The following TMEM45B variants were observed in gnomAD, a reference collection of about 807,000 sequenced individuals.
TMEM45B encodes the protein transmembrane protein 45B.
In TMEM45B, 29 loss-of-function variants were observed where a neutral mutation model predicts 27.3. The ratio of observed to expected loss-of-function variants is 1.06; its 90% CI spans 0.79 to 1.45. The LOEUF (loss-of-function observed/expected upper bound fraction) is 1.45, where lower values mean the gene tolerates loss of function less well. Among genes scored for constraint, TMEM45B ranks in the 40% most tolerant of loss-of-function variants. The probability of loss-of-function intolerance (pLI) is 0.00; values close to 1 mark genes in which losing one functional copy is unlikely to be tolerated. For synonymous variants in TMEM45B, 143 were observed against 134.7 expected, an observed-to-expected ratio of 1.06 and a Z score of -0.43; for missense variants, 348 against 343.9, an observed-to-expected ratio of 1.01 and a Z score of -0.09.
chr11:129,857,920 A>T (rs892913450), intron 5 of TMEM45B, among the ~76,000 whole-genome samples: 1 of 152,182 alleles, frequency 6.6e-6, no homozygotes, highest in Non-Finnish European at 1.5e-5. Flanking sequence ...AGGTATACAG[A>T]TAACAGCTAT....
intron 4 of TMEM45B, 150 bp from the exon 5 acceptor site, chr11:129,857,163 T>A (rs1025776774): frequency 2.8e-5 from 25 of 901,296 alleles, no homozygotes; most frequent in Middle Eastern, 3.5e-4. Context: ...GAGCCATTTT[T>A]CTATGTGAAA....
intron 1 of TMEM45B, among the ~76,000 whole-genome samples, chr11:129,825,733 GGGAA>G (rs746585864): frequency 1.3e-5 from 2 of 152,130 alleles, no homozygotes; most frequent in Non-Finnish European, 2.9e-5. Flanking sequence ...TGGATGCTGA[GGGAA>G]GGAAGGAAGG....
intron 1 of TMEM45B, among the ~76,000 whole-genome samples, chr11:129,816,824 A>G (rs554357478): frequency 1.3e-4 from 16 of 122,350 alleles, no homozygotes; most frequent in African/African-American, 4.5e-4. Flanking sequence ...TGCAAGCTCC[A>G]CCTCCCGGGT....
chr11:129,820,514 A>G (rs910086549), intron 1 of TMEM45B, among the ~76,000 whole-genome samples: 1 of 152,112 alleles, frequency 6.6e-6, no homozygotes, highest in Non-Finnish European at 1.5e-5. Flanking sequence ...GTCCAGGGGA[A>G]CTTTTTTAAA....
At chr11:129,841,440 C>T (rs1434155220) in intron 1 of TMEM45B, among the ~76,000 whole-genome samples, 4 of 152,030 alleles carry the variant, frequency 2.6e-5, no homozygotes, top group Admixed American at 2.6e-4. Context: ...GCATCCCTGG[C>T]TGACTGAAAA....
At chr11:129,848,300 T>A (rs2266105) in intron 1 of TMEM45B, among the ~76,000 whole-genome samples, 114 of 150,114 alleles carry the variant, frequency 7.6e-4, no homozygotes, top group African/African-American at 2.5e-3. Flanking sequence ...CACTCGCGGT[T>A]AGGAGCTGGA....
chr11:129,820,375 A>C (rs1460352913), intron 1 of TMEM45B, among the ~76,000 whole-genome samples: 1 of 152,206 alleles, frequency 6.6e-6, no homozygotes, highest in Admixed American at 6.5e-5. Flanking sequence ...GGGAGAATGA[A>C]CATTGGGTAG....
intron 1 of TMEM45B, among the ~76,000 whole-genome samples, chr11:129,845,670 AC>A (rs1207648995): frequency 2.6e-5 from 4 of 152,174 alleles, no homozygotes; most frequent in Non-Finnish European, 4.4e-5. Context: ...TATAAATATA[AC>A]CACACCAATA....
chr11:129,818,882 CA>C (rs1048914391), intron 1 of TMEM45B, among the ~76,000 whole-genome samples: 1 of 152,172 alleles, frequency 6.6e-6, no homozygotes, highest in African/African-American at 2.4e-5. Context: ...GTTGCTTCCC[CA>C]AATCTACTTC....
chr11:129,816,133 G>C (rs1565360020), intron 1 of TMEM45B, among the ~76,000 whole-genome samples: 1 of 152,170 alleles, frequency 6.6e-6, no homozygotes, highest in Non-Finnish European at 1.5e-5. Context: ...GCCCCCTCCG[G>C]GCTGCGGAAC....
At chr11:129,839,361 A>ATC (rs2135577673) in intron 1 of TMEM45B, among the ~76,000 whole-genome samples, 1 of 152,300 alleles carries the variant, frequency 6.6e-6, no homozygotes, top group East Asian at 1.9e-4. Context: ...AAAGCTATGC[A>ATC]TCTATAGGGA....
intron 1 of TMEM45B, among the ~76,000 whole-genome samples, chr11:129,833,467 T>C (rs1312307434): frequency 6.6e-6 from 1 of 151,938 alleles, no homozygotes; most frequent in Non-Finnish European, 1.5e-5. Context: ...CCAATATGAC[T>C]GGTATCCTTA....
rs764906261 is a variant in TMEM45B at position 129,827,790 on chromosome 11, G to A, written c.-9+11892G>A. On this transcript the variant is annotated intron_variant, in intron 1 of 5. Transcript: ENST00000281441. ...GCACTCTAGCCTGGGCAACAAGAGCGAAACTCTGCCTCAGAAATAAAATAA... is the reference window on the plus strand; with the variant it reads ...GCACTCTAGCCTGGGCAACAAGAGCAAAACTCTGCCTCAGAAATAAAATAA... Among the ~76,000 whole-genome samples the A allele has an allele frequency of 7.5e-4, 114 of 152,076 alleles. 1 individual carries two copies. Among genetic ancestry groups the A allele is most frequent in the Non-Finnish European group, 1.9e-4 (13 of 67,960 alleles).
At chr11:129,829,801 A>T (rs1053011794) in intron 1 of TMEM45B, among the ~76,000 whole-genome samples, 1 of 152,246 alleles carries the variant, frequency 6.6e-6, no homozygotes, top group Non-Finnish European at 1.5e-5. Flanking sequence ...TATATGAATC[A>T]TAATAGTTTA....
chr11:129,838,251 G>A (rs189465320), intron 1 of TMEM45B, among the ~76,000 whole-genome samples: 84 of 152,184 alleles, frequency 5.5e-4, no homozygotes, highest in African/African-American at 1.8e-3. Flanking sequence ...CTGATACTCC[G>A]GGCCACAAGA....
intron 1 of TMEM45B, among the ~76,000 whole-genome samples, chr11:129,834,236 G>C (rs1219617721): frequency 6.6e-6 from 1 of 152,238 alleles, no homozygotes; most frequent in East Asian, 1.9e-4. Flanking sequence ...TTCGAGACCA[G>C]CCTGGCCAAC....
intron 1 of TMEM45B, among the ~76,000 whole-genome samples, chr11:129,832,983 T>C (rs1258869938): frequency 6.6e-6 from 1 of 152,214 alleles, no homozygotes; most frequent in Non-Finnish European, 1.5e-5. Flanking sequence ...GGCTCACACC[T>C]GTAATCCCAG....
At chr11:129,817,847 C>T (rs916745678) in intron 1 of TMEM45B, among the ~76,000 whole-genome samples, 24 of 152,320 alleles carry the variant, frequency 1.6e-4, no homozygotes, top group Middle Eastern at 6.8e-3. Context: ...AAAAGATTAT[C>T]TCTTTTCCTC....
chr11:129,842,875 G>A (rs1947712414), intron 1 of TMEM45B, among the ~76,000 whole-genome samples: 1 of 152,204 alleles, frequency 6.6e-6, no homozygotes, highest in African/African-American at 2.4e-5. Flanking sequence ...TAGAATGGGA[G>A]AAAATATTTG....
Sources: gnomAD v4.1 joint callset for allele counts (sites outside exome capture counted in the v4.1 genomes callset) on GRCh38, gnomAD v4.1.1 for gene constraint, MANE v1.5 for transcripts, NCBI Gene and HGNC (gene_info 2026-07-23, HGNC 2026-07-21) for gene names.